TENM3: variants seen among roughly 807,000 people sequenced by gnomAD.
TENM3 encodes the protein teneurin-3.
TENM3 carries 63 observed loss-of-function variants against 255.1 expected under a neutral mutation model. The ratio of observed to expected loss-of-function variants is 0.25; its 90% CI spans 0.20 to 0.30. The LOEUF (loss-of-function observed/expected upper bound fraction) is 0.30. Ranked by LOEUF, TENM3 falls within the 10% of genes least tolerant of loss-of-function variation. TENM3 has a pLI of 1.00. For synonymous variants in TENM3, 1,306 were observed against 1,322.3 expected (o/e 0.99, Z 0.27); for missense variants, 2,929 against 3,461.1 (o/e 0.85, Z 3.86).
intron 5 of TENM3, among the ~76,000 whole-genome samples, chr4:182,632,940 A>G (rs576231836): frequency 1.3e-5 from 2 of 151,294 alleles, no homozygotes; most frequent in East Asian, 1.9e-4. Flanking sequence ...TTATATTTTT[A>G]TTTTTTCAAG....
intron 3 of TENM3, among the ~76,000 whole-genome samples, chr4:182,386,661 G>C (rs915014220): frequency 6.6e-6 from 1 of 152,236 alleles, no homozygotes; most frequent in South Asian, 2.1e-4. Context: ...CGGAGCTGCC[G>C]GCCGGCCGGG....
the TENM3 span, among the ~76,000 whole-genome samples, chr4:181,626,269 A>T: frequency 6.6e-6 from 1 of 152,190 alleles, no homozygotes; most frequent in Non-Finnish European, 1.5e-5. Context: ...AGAAAAGGCC[A>T]GTGTGGCTGG....
At chr4:182,536,028 C>T (rs963867789) in intron 3 of TENM3, among the ~76,000 whole-genome samples, 12 of 152,044 alleles carry the variant, frequency 7.9e-5, no homozygotes, top group Admixed American at 3.3e-4. Flanking sequence ...TGAAGAATTC[C>T]GTCCAATATG....
chr4:182,055,187 A>T, the TENM3 span, among the ~76,000 whole-genome samples: 596 of 152,044 alleles, frequency 3.9e-3, 1 homozygote, highest in Non-Finnish European at 6.1e-3. Flanking sequence ...TCCCTACAAA[A>T]AATACAAACA....
At chr4:181,978,887 A>G in the TENM3 span, among the ~76,000 whole-genome samples, 1 of 150,464 alleles carries the variant, frequency 6.6e-6, no homozygotes, top group Admixed American at 6.6e-5. Flanking sequence ...GAATATAAGA[A>G]GACCTTTGAG....
At chr4:182,735,056 T>C (rs764784464) in intron 16 of TENM3, among the ~76,000 whole-genome samples, 32 of 152,322 alleles carry the variant, frequency 2.1e-4, no homozygotes, top group Admixed American at 3.9e-4. Flanking sequence ...TTTCACTGAT[T>C]ATGGGAGAAC....
At chr4:181,792,619 T>A in the TENM3 span, among the ~76,000 whole-genome samples, 3 of 152,228 alleles carry the variant, frequency 2.0e-5, no homozygotes, top group African/African-American at 7.2e-5. Context: ...TTATGAGTAA[T>A]CTGAAATCTC....
intron 8 of TENM3, 151 bp from the exon 9 acceptor site, chr4:182,680,097 C>A: frequency 1.4e-6 from 1 of 731,788 alleles, no homozygotes; most frequent in Non-Finnish European, 2.3e-6. Flanking sequence ...GAGAATATGT[C>A]ATGAAACACT....
chr4:181,569,053 G>T, the TENM3 span, among the ~76,000 whole-genome samples: 1 of 152,122 alleles, frequency 6.6e-6, no homozygotes, highest in Non-Finnish European at 1.5e-5. Flanking sequence ...AAAGGTTTTT[G>T]CCAGTGCAGT....
At chr4:182,625,636 A>T (rs529215593) in intron 4 of TENM3, among the ~76,000 whole-genome samples, 28 of 152,294 alleles carry the variant, frequency 1.8e-4, no homozygotes, top group African/African-American at 6.0e-4. Flanking sequence ...AAAGATGATC[A>T]TTTGGCCCTG....
intron 12 of TENM3, among the ~76,000 whole-genome samples, chr4:182,703,408 T>G (rs980961676): frequency 6.6e-6 from 1 of 152,230 alleles, no homozygotes; most frequent in Non-Finnish European, 1.5e-5. Flanking sequence ...CTCTACCCAC[T>G]TCCTTTCAAA....
chr4:181,825,141 G>A, the TENM3 span, among the ~76,000 whole-genome samples: 1 of 152,132 alleles, frequency 6.6e-6, no homozygotes, highest in African/African-American at 2.4e-5. Context: ...GGTGGCTCAC[G>A]CCGATAATCC....
At chr4:181,646,695 A>G in the TENM3 span, among the ~76,000 whole-genome samples, 61 of 152,334 alleles carry the variant, frequency 4.0e-4, 1 homozygote, top group South Asian at 0.012. Context: ...AACAAGCGAC[A>G]GTTGGGGTTA....
At chr4:182,538,667 A>G (rs573777991) in intron 3 of TENM3, among the ~76,000 whole-genome samples, 6 of 152,228 alleles carry the variant, frequency 3.9e-5, no homozygotes, top group Non-Finnish European at 8.8e-5. Flanking sequence ...TGGTTACAAT[A>G]TAGAGCAAAT....
chr4:182,153,786 AT>A (rs1413554462), intron 1 of TENM3, among the ~76,000 whole-genome samples: 2 of 152,162 alleles, frequency 1.3e-5, no homozygotes, highest in African/African-American at 4.8e-5. Context: ...ATATTGAGCT[AT>A]CAGCAAAGGA....
chr4:182,082,830 G>A, the TENM3 span, among the ~76,000 whole-genome samples: 3 of 152,138 alleles, frequency 2.0e-5, no homozygotes, highest in African/African-American at 4.8e-5. Flanking sequence ...AATCCACTTC[G>A]TTCTGCCTAC....
intron 3 of TENM3, among the ~76,000 whole-genome samples, chr4:182,474,274 A>AT (rs1733445726): frequency 6.6e-6 from 1 of 152,216 alleles, no homozygotes; most frequent in African/African-American, 2.4e-5. Context: ...ATTTTTATGT[A>AT]TGATCATATT....
At chr4:182,334,075 G>T (rs747751911) in intron 2 of TENM3, among the ~76,000 whole-genome samples, 3 of 152,096 alleles carry the variant, frequency 2.0e-5, no homozygotes, top group Non-Finnish European at 4.4e-5. Flanking sequence ...AGATTGTGCT[G>T]TAGTTTGTTG....
chr4:182,564,092 C>T (rs774669079), intron 3 of TENM3, among the ~76,000 whole-genome samples: 9 of 152,116 alleles, frequency 5.9e-5, no homozygotes, highest in Non-Finnish European at 1.0e-4. Flanking sequence ...TGCAGCCTCT[C>T]GCCTGGCTCA....
Sources: gnomAD v4.1 joint callset for allele counts (sites outside exome capture counted in the v4.1 genomes callset) on GRCh38, gnomAD v4.1.1 for gene constraint, MANE v1.5 for transcripts, NCBI Gene and HGNC (gene_info 2026-07-23, HGNC 2026-07-21) for gene names.